ZFHX4: variants seen among roughly 807,000 people sequenced by gnomAD.
The protein encoded by ZFHX4 is zinc finger homeobox 4.
A neutral mutation model predicts 267.6 loss-of-function variants in ZFHX4; 56 were observed. The observed-to-expected ratio is 0.21, with a 90% CI of 0.17 to 0.26. The LOEUF is 0.26. Among genes scored for constraint, ZFHX4 ranks in the 10% least tolerant of loss-of-function variants. The pLI is 1.00. For synonymous variants in ZFHX4, 1,778 were observed against 1,665.6 expected (o/e 1.07, Z -1.64); for missense variants, 4,332 against 4,420.0 (o/e 0.98, Z 0.56).
At chr8:76,760,928 CAAAAAAAAAAAAAA>C (rs771069673) in intron 3 of ZFHX4, among the ~76,000 whole-genome samples, 3 of 64,132 alleles carry the variant, frequency 4.7e-5, no homozygotes, top group Admixed American at 1.9e-4. Context: ...GACCCTGCCT[CAAAAAAAAAAAAAA>C]AAAAAAAAGA....
chr8:76,763,395 A>G (rs1809968010), intron 3 of ZFHX4, among the ~76,000 whole-genome samples: 1 of 152,128 alleles, frequency 6.6e-6, no homozygotes, highest in Admixed American at 6.5e-5. Flanking sequence ...GGCTGAGGTG[A>G]GTAGATCACT....
At chr8:76,682,803 G>A (rs1807577221) in intron 1 of ZFHX4, among the ~76,000 whole-genome samples, 1 of 152,078 alleles carries the variant, frequency 6.6e-6, no homozygotes, top group Non-Finnish European at 1.5e-5. Flanking sequence ...GTTTCTCCAA[G>A]CATCAAGTGC....
chr8:76,768,343 G>A (rs1236780794), intron 3 of ZFHX4, among the ~76,000 whole-genome samples: 3 of 152,112 alleles, frequency 2.0e-5, no homozygotes, highest in Non-Finnish European at 2.9e-5. Context: ...AATATGATTA[G>A]GAATGCCATT....
chr8:76,752,807 T>G (rs1814415882), intron 3 of ZFHX4, among the ~76,000 whole-genome samples: 1 of 152,234 alleles, frequency 6.6e-6, no homozygotes, highest in South Asian at 2.1e-4. Context: ...GGAATTTTAC[T>G]TAATTATAGC....
chr8:76,807,711 ATCAT>A (rs1210750374), intron 4 of ZFHX4, among the ~76,000 whole-genome samples: 1 of 152,122 alleles, frequency 6.6e-6, no homozygotes, highest in Admixed American at 6.6e-5. Flanking sequence ...CCCCATGGAG[ATCAT>A]TCAGTTTTGT....
intron 4 of ZFHX4, among the ~76,000 whole-genome samples, chr8:76,786,565 T>G (rs1020594247): frequency 6.6e-6 from 1 of 152,024 alleles, no homozygotes; most frequent in African/African-American, 2.4e-5. Flanking sequence ...TTTTAATAGT[T>G]ATATCTTTTA....
chr8:76,828,791 T>C (rs1811853769), intron 4 of ZFHX4, among the ~76,000 whole-genome samples: 1 of 152,230 alleles, frequency 6.6e-6, no homozygotes, highest in African/African-American at 2.4e-5. Context: ...TTGGGCTTAT[T>C]GTAAATGAAA....
At chr8:76,771,652 C>T (rs1273450317) in intron 3 of ZFHX4, among the ~76,000 whole-genome samples, 1 of 151,990 alleles carries the variant, frequency 6.6e-6, no homozygotes, top group Non-Finnish European at 1.5e-5. Flanking sequence ...CTTGTCCAGG[C>T]TGGACTCAAA....
At chr8:76,688,058 C>G (rs963482094) in intron 1 of ZFHX4, among the ~76,000 whole-genome samples, 1 of 152,078 alleles carries the variant, frequency 6.6e-6, no homozygotes, top group Non-Finnish European at 1.5e-5. Context: ...ATCATTGGGA[C>G]GTAATGTGTA....
At chr8:76,861,781 C>T (rs1445712492) in intron 10 of ZFHX4, among the ~76,000 whole-genome samples, 3 of 149,804 alleles carry the variant, frequency 2.0e-5, no homozygotes, top group African/African-American at 7.4e-5. Context: ...TTTTTTAACA[C>T]TCACATGTTG....
intron 4 of ZFHX4, among the ~76,000 whole-genome samples, chr8:76,807,908 A>C (rs2131839114): frequency 6.6e-6 from 1 of 152,214 alleles, no homozygotes; most frequent in Admixed American, 6.6e-5. Flanking sequence ...TAATAGTTTA[A>C]TTTTCTGTAT....
Position 76,853,199 on chromosome 8 carries a change from C to T in ZFHX4, c.6278C>T (p.Pro2093Leu), listed in dbSNP as rs1459962437. The T allele has an allele frequency of 1.3e-6, 2 of 1,558,628 alleles. No homozygotes were observed. The highest frequency in any genetic ancestry group is 1.7e-6 in the Non-Finnish European group (2 of 1,150,988). ...MQPVQHPALP[P>L]QLALQLPQMD... ...CCTGTGCAACACCCTGCGCTTCCTCCCCAGCTTGCCCTGCAGCTGCCACAG... is the reference window on the plus strand; with the variant it reads ...CCTGTGCAACACCCTGCGCTTCCTCTCCAGCTTGCCCTGCAGCTGCCACAG... Residue 2093 changes from proline to leucine, a missense_variant, in exon 10 of 11, where the codon CCC becomes CTC. This residue lies in a region of ZFHX4 where 1,371 missense variants were observed against 1,423.1 expected (regional missense o/e 0.96). Transcript: ENST00000651372.
At chr8:76,706,805 T>G in intron 2 of ZFHX4, 127 bp downstream of exon 2, 1 of 1,059,626 alleles carries the variant, frequency 9.4e-7, no homozygotes, top group Non-Finnish European at 1.3e-6. Context: ...GACTTTCTCT[T>G]TAAGCTGGAT....
chr8:76,853,614 G>A lies in ZFHX4; in HGVS notation c.6693G>A (p.Thr2231=), dbSNP rs757512171. The A allele has an allele frequency of 2.5e-6, 4 of 1,613,726 alleles. No individual in the cohort carries two copies. Among genetic ancestry groups the A allele is most frequent in the South Asian group, 1.1e-5 (1 of 91,070 alleles). Residue 2231 remains threonine (T), a synonymous_variant, in exon 10 of 11, where the codon ACG becomes ACA. Transcript: ENST00000651372. Reference sequence around the variant, plus strand: ...CATTCAGTAAAAGGTCTTCTAGAACGAGATTTACTGACTACCAGCTTAGGG... The same window carrying A: ...CATTCAGTAAAAGGTCTTCTAGAACAAGATTTACTGACTACCAGCTTAGGG... The part of the protein sequence containing the change: ...DASFSKRSSR[T]RFTDYQLRVL...
intron 4 of ZFHX4, among the ~76,000 whole-genome samples, chr8:76,821,421 G>T (rs1811645333): frequency 6.6e-6 from 1 of 152,008 alleles, no homozygotes; most frequent in Admixed American, 6.6e-5. Context: ...CTCCAATCAG[G>T]GACTCTGTTG....
At chr8:76,824,166 T>C (rs1811726173) in intron 4 of ZFHX4, among the ~76,000 whole-genome samples, 2 of 152,228 alleles carry the variant, frequency 1.3e-5, no homozygotes, top group Non-Finnish European at 2.9e-5. Context: ...GCATTTCCTA[T>C]TGAACACTGC....
chr8:76,839,774 A>G (rs534671455), intron 5 of ZFHX4, among the ~76,000 whole-genome samples: 14 of 152,112 alleles, frequency 9.2e-5, no homozygotes, highest in South Asian at 4.1e-4. Context: ...AGTTTTATAT[A>G]TATATTTCCC....
intron 3 of ZFHX4, among the ~76,000 whole-genome samples, chr8:76,726,629 G>A (rs1808861157): frequency 6.6e-6 from 1 of 151,912 alleles, no homozygotes; most frequent in Non-Finnish European, 1.5e-5. Flanking sequence ...TATATTCTGA[G>A]AAAAAGTTAA....
chr8:76,719,150 ATGTGTGTGTGTG>A (rs10589034), intron 3 of ZFHX4, among the ~76,000 whole-genome samples: 10 of 134,452 alleles, frequency 7.4e-5, no homozygotes, highest in East Asian at 4.4e-4. Flanking sequence ...GATGAATTGC[ATGTGTGTGTGTG>A]TGTGTGTGTG....
Sources: gnomAD v4.1 joint callset for allele counts (sites outside exome capture counted in the v4.1 genomes callset) on GRCh38, gnomAD v4.1.1 for gene constraint, gnomAD v4.1.1 regional missense constraint, MANE v1.5 for transcripts, NCBI Gene and HGNC (gene_info 2026-07-23, HGNC 2026-07-21) for gene names.